CCBE1: variants seen among roughly 807,000 people sequenced by gnomAD.
The protein encoded by CCBE1 is collagen and calcium binding EGF domains 1.
In CCBE1, 37 loss-of-function variants were observed where a neutral mutation model predicts 50.0. The observed-to-expected ratio is 0.74, with a 90% CI of 0.57 to 0.97. The LOEUF (loss-of-function observed/expected upper bound fraction) is 0.97. Among genes scored for constraint, CCBE1 ranks in the 50% least tolerant of loss-of-function variants. The pLI, the probability that CCBE1 is intolerant of heterozygous loss-of-function variation, is 0.00. For missense variants in CCBE1, 538 were observed against 523.8 expected (o/e 1.03, Z -0.26); for synonymous variants, 234 against 203.7 (o/e 1.15, Z -1.27).
chr18:59,506,471 T>C (rs1014859529), intron 2 of CCBE1, among the ~76,000 whole-genome samples: 15 of 152,198 alleles, frequency 9.9e-5, no homozygotes, highest in African/African-American at 3.6e-4. Context: ...GCTAAAGGAA[T>C]GAAGGGAGGG....
intron 2 of CCBE1, among the ~76,000 whole-genome samples, chr18:59,579,974 T>C (rs2053058087): frequency 6.6e-6 from 1 of 152,172 alleles, no homozygotes; most frequent in South Asian, 2.1e-4. Context: ...GCTCCTCTCT[T>C]TTCCATAATT....
At chr18:59,615,779 C>T (rs1464247510) in intron 2 of CCBE1, among the ~76,000 whole-genome samples, 1 of 152,124 alleles carries the variant, frequency 6.6e-6, no homozygotes, top group East Asian at 1.9e-4. Flanking sequence ...TACAAGGGAC[C>T]TTTGTTTTGT....
chr18:59,592,199 C>A (rs910399611), intron 2 of CCBE1, among the ~76,000 whole-genome samples: 1 of 152,140 alleles, frequency 6.6e-6, no homozygotes, highest in Non-Finnish European at 1.5e-5. Flanking sequence ...ACAGCCACTG[C>A]ACTCCAACCT....
Position 59,697,384 on chromosome 18 carries a change from G to A in CCBE1, c.-42C>T, listed in dbSNP as rs1599148273. On this transcript the variant is annotated 5_prime_UTR_variant, in exon 1 of 11. Transcript: ENST00000439986. The stretch of plus-strand genomic sequence containing the variant: ...TTCTTCCCAGCGCCGAGCTCCGTCC[G>A]GACCAAGCGTCCTGCTCCTCCGCGG... 2.6e-6 allele frequency: 4 copies of A among 1,534,952 alleles called. No homozygotes were observed. The highest frequency in any genetic ancestry group is 2.6e-6 in the Non-Finnish European group (3 of 1,142,310).
rs1175008490 is a variant in CCBE1, at chr18:59,637,345, T to G, written c.212+59284A>C. Among the ~76,000 whole-genome samples the G allele has an allele frequency of 2.0e-5, 3 of 152,166 alleles. No homozygotes were observed. The East Asian group carries it at 5.8e-4, about 29-fold the overall frequency. On this transcript the variant is annotated intron_variant, in intron 2 of 10. Coordinates refer to ENST00000439986, the MANE Select transcript of CCBE1 (RefSeq NM_133459.4). ...ATGAAATTAAAATTAGACGCTTTGC[T>G]AAAATGAAACACAACAGAAGAAAAG...
chr18:59,696,334 C>A (rs2054803293), intron 2 of CCBE1: 1 of 583,806 alleles, frequency 1.7e-6, no homozygotes. Context: ...CTGTTTACAC[C>A]CAAAATCCAA....
At chr18:59,526,913 G>T (rs561073138) in intron 2 of CCBE1, among the ~76,000 whole-genome samples, 1 of 152,286 alleles carries the variant, frequency 6.6e-6, no homozygotes, top group East Asian at 1.9e-4. Flanking sequence ...TTGCCAAGGA[G>T]TGTTTTACTT....
At chr18:59,469,744 AG>A (rs1911939748) in intron 3 of CCBE1, 137 bp from the exon 4 acceptor site, 1 of 1,165,320 alleles carries the variant, frequency 8.6e-7, no homozygotes, top group Non-Finnish European at 1.3e-6. Flanking sequence ...TTGGAGGGAC[AG>A]GAACTCTTTA....
chr18:59,657,309 G>A (rs1397464881), intron 2 of CCBE1, among the ~76,000 whole-genome samples: 1 of 152,180 alleles, frequency 6.6e-6, no homozygotes, highest in Non-Finnish European at 1.5e-5. Flanking sequence ...GTGAAAGGCT[G>A]AACAGCCAGG....
Position 59,523,365 on chromosome 18 carries a change from T to C in CCBE1, c.213-43127A>G, listed in dbSNP as rs540599336. Reference sequence around the variant, plus strand: ...GGGATACAGCCTTTGAAGTCAGGCATTCTAGATTCAAAACCTGGGTCTGTT... The same window carrying C: ...GGGATACAGCCTTTGAAGTCAGGCACTCTAGATTCAAAACCTGGGTCTGTT... On this transcript the variant is annotated intron_variant, in intron 2 of 10. Transcript: ENST00000439986. 3.3e-5 allele frequency among the ~76,000 whole-genome samples: 5 copies of C among 150,946 alleles called. No homozygotes were observed. The East Asian group carries it at 9.7e-4, about 29-fold the overall frequency.
rs146015997 is a variant in CCBE1 at position 59,498,011 on chromosome 18, A to T, written c.213-17773T>A. Among the ~76,000 whole-genome samples, 496 of 152,292 alleles carry T rather than the reference A, an allele frequency of 3.3e-3. 3 individuals carry two copies. The highest frequency in any genetic ancestry group is 0.011 in the African/African-American group (476 of 41,572). On this transcript the variant is annotated intron_variant, in intron 2 of 10. Transcript: ENST00000439986. ...TCTGGAGAGACCAGAGTAAGCCAAC[A>T]ATGCGAGTGAGAAGAGGACATCAGC...
At chr18:59,688,937 C>T (rs1254855317) in intron 2 of CCBE1, among the ~76,000 whole-genome samples, 2 of 152,184 alleles carry the variant, frequency 1.3e-5, no homozygotes, top group Non-Finnish European at 2.9e-5. Flanking sequence ...TGGAAAGCCC[C>T]AATCCTGGTG....
chr18:59,542,191 T>C (rs1915495181), intron 2 of CCBE1, among the ~76,000 whole-genome samples: 1 of 110,438 alleles, frequency 9.1e-6, no homozygotes, highest in Non-Finnish European at 2.0e-5. Context: ...AAAAAAAAAT[T>C]CCCTACAATT....
intron 7 of CCBE1, among the ~76,000 whole-genome samples, chr18:59,443,469 CTT>C (rs11337100): frequency 4.0e-4 from 58 of 144,802 alleles, no homozygotes; most frequent in African/African-American, 5.6e-4. Flanking sequence ...AATTTGCCAA[CTT>C]TTTTTTTTTT....
chr18:59,645,911 G>T (rs1033560405), intron 2 of CCBE1, among the ~76,000 whole-genome samples: 1 of 152,074 alleles, frequency 6.6e-6, no homozygotes, highest in East Asian at 1.9e-4. Flanking sequence ...GGTGCCTGTA[G>T]TCCCAGTGAC....
intron 6 of CCBE1, among the ~76,000 whole-genome samples, chr18:59,452,281 C>T (rs1298516969): frequency 6.6e-6 from 1 of 152,102 alleles, no homozygotes; most frequent in Non-Finnish European, 1.5e-5. Context: ...GCATTAGCAG[C>T]AGCAAGACGA....
In CCBE1 at chr18:59,511,886, C is replaced by T. The variant is rs889854366; in HGVS notation, c.213-31648G>A. Among the ~76,000 whole-genome samples, 12 of 152,270 alleles carry T rather than the reference C, an allele frequency of 7.9e-5. No individual in the cohort carries two copies. The South Asian group carries it at 1.7e-3, about 21-fold the overall frequency. ...AAAAAGAGGCAAAATGGAACAGACT[C>T]GGAATCCATCGAGAGACAGAACAGG... On this transcript the variant is annotated intron_variant, in intron 2 of 10. Coordinates refer to ENST00000439986, the MANE Select transcript of CCBE1 (RefSeq NM_133459.4).
intron 2 of CCBE1, among the ~76,000 whole-genome samples, chr18:59,673,335 C>T (rs2054459304): frequency 6.6e-6 from 1 of 152,096 alleles, no homozygotes; most frequent in Admixed American, 6.5e-5. Context: ...CCTGTAATAC[C>T]AGCTACTTGG....
intron 2 of CCBE1, among the ~76,000 whole-genome samples, chr18:59,687,554 T>G (rs868303141): frequency 4.1e-4 from 63 of 152,370 alleles, no homozygotes; most frequent in African/African-American, 1.5e-3. Context: ...TCTTTTAGAC[T>G]GTTCTCTCCT....
Sources: allele counts gnomAD v4.1 joint callset (sites outside exome capture counted in the v4.1 genomes callset), GRCh38; gene constraint gnomAD v4.1.1; transcripts MANE v1.5; gene names NCBI Gene and HGNC (gene_info 2026-07-23, HGNC 2026-07-21).